GNA11: variants seen among roughly 807,000 people sequenced by gnomAD.
The protein encoded by GNA11 is G protein subunit alpha 11.
A neutral mutation model predicts 38.2 loss-of-function variants in GNA11; 8 were observed. The observed-to-expected ratio is 0.21, with a 90% CI of 0.12 to 0.38. The LOEUF (loss-of-function observed/expected upper bound fraction) is 0.38. GNA11 is among the 10% of genes least tolerant of loss of function. The pLI, the probability that GNA11 is intolerant of heterozygous loss-of-function variation, is 1.00. For synonymous variants in GNA11, 211 were observed against 221.4 expected (o/e 0.95, Z 0.42); for missense variants, 268 against 516.3 (o/e 0.52, Z 4.66).
rs1914017831 is a variant in GNA11, at chr19:3,119,655, T to G, written c.889+296T>G. Among the ~76,000 whole-genome samples, 1 of 135,678 alleles carries G rather than the reference T, an allele frequency of 7.4e-6. No individual in the cohort carries two copies. The highest frequency in any genetic ancestry group is 1.6e-5 in the Non-Finnish European group (1 of 62,086). 89.0% of individuals were successfully genotyped at this position (135,678 alleles called of 152,430 possible). On this transcript the variant is annotated intron_variant, in intron 6 of 6. Transcript: ENST00000078429. The surrounding 1 kb of genome is among the most constrained non-coding windows in gnomAD (Gnocchi z 4.6). ...GGGTCTCGGGCAGGGGGATCTCGGG[T>G]GGGAGGAGTCTTGTACAAGGAGGGC...
chr19:3,115,786 G>A lies in GNA11; in HGVS notation c.605+714G>A, dbSNP rs537967339. ...CATAGGGACCGAGGCTGTGAGGGGAGGGGGGGGGTCACGGGGACCGAGGCT... is the reference window on the plus strand; with the variant it reads ...CATAGGGACCGAGGCTGTGAGGGGAAGGGGGGGGTCACGGGGACCGAGGCT... On this transcript the variant is annotated intron_variant, in intron 4 of 6. Transcript: ENST00000078429. Among the ~76,000 whole-genome samples the A allele has an allele frequency of 1.6e-3, 197 of 122,646 alleles. 14 individuals are homozygous for A. Among genetic ancestry groups the A allele is most frequent in the African/African-American group, 8.2e-3 (188 of 22,996 alleles). 80.5% of individuals were successfully genotyped at this position (122,646 alleles called of 152,430 possible).
chr19:3,119,408 G>A lies in GNA11; in HGVS notation c.889+49G>A, dbSNP rs451778. On this transcript the variant is annotated intron_variant, in intron 6 of 6. Coordinates refer to ENST00000078429, the MANE Select transcript of GNA11 (RefSeq NM_002067.5). This position sits in a 1 kb window ranked among gnomAD's most constrained non-coding sequence, Gnocchi z 4.6. ...AGGGGCTCGCGGGCAGGGCCTTACT[G>A]GGGGGAGGGGGCTGATATGGGAGAG... is the stretch of plus-strand genomic sequence containing the variant. 3.8e-6 allele frequency: 6 copies of A among 1,572,968 alleles called. No individual in the cohort carries two copies. The highest frequency in any genetic ancestry group is 3.4e-5 in the South Asian group (3 of 87,270).
intron 1 of GNA11, among the ~76,000 whole-genome samples, chr19:3,101,095 C>T (rs72975257): frequency 0.15 from 23,486 of 152,094 alleles, 1,904 homozygotes; most frequent in East Asian, 0.18. Flanking sequence ...GGCCCAGGCT[C>T]CGTTTTCTCT....
At position 3,122,925 on chromosome 19, in the gene GNA11, G is replaced by C; in HGVS notation, c.*1746G>C. On this transcript the variant is annotated 3_prime_UTR_variant, in exon 7 of 7. Coordinates refer to ENST00000078429, the MANE Select transcript of GNA11 (RefSeq NM_002067.5). The surrounding 1 kb of genome is among the most constrained non-coding windows in gnomAD (Gnocchi z 7.7). ...CATTTCTGGTGATCAGCCCCATGGG[G>C]AGACGGGGCTGGCGGGATACCCCCC... The C allele has an allele frequency of 4.4e-6, 1 of 229,518 alleles. No homozygotes were observed. The highest frequency in any genetic ancestry group is 8.5e-6 in the Non-Finnish European group (1 of 117,010). 14.2% of individuals were successfully genotyped at this position (229,518 alleles called of 1,614,324 possible). A position where few individuals can be genotyped will look rare whatever the true frequency, so the allele number is the denominator to read the frequency against.
At position 3,110,835 on chromosome 19, in the gene GNA11, G is replaced by A. The variant is rs183614174; in HGVS notation, c.321+502G>A. On this transcript the variant is annotated intron_variant, in intron 2 of 6. Transcript: ENST00000078429. The surrounding 1 kb of genome is among the most constrained non-coding windows in gnomAD (Gnocchi z 5.4). ...TGTTTTGAAAACAGGGTCTCGCTCT[G>A]TCGCCCAGGCTGGAGTGCAGTGGAA... 6.6e-6 allele frequency among the ~76,000 whole-genome samples: 1 copy of A among 152,184 alleles called. No individual in the cohort carries two copies. The highest frequency in any genetic ancestry group is 1.5e-5 in the Non-Finnish European group (1 of 68,030).
At chr19:3,103,523 T>G (rs1913558088) in intron 1 of GNA11, among the ~76,000 whole-genome samples, 4 of 56,780 alleles carry the variant, frequency 7.0e-5, no homozygotes, top group African/African-American at 1.2e-4. Context: ...TTGAATCTTT[T>G]TTTTTTTTTT....
chr19:3,109,208 G>A (rs768300982), intron 1 of GNA11, among the ~76,000 whole-genome samples: 26 of 152,106 alleles, frequency 1.7e-4, no homozygotes, highest in Non-Finnish European at 2.9e-4. Context: ...AAGAAAAGTG[G>A]GGAGACGGAG....
rs2145329507 is a variant in GNA11 at position 3,121,205 on chromosome 19, G to A, written c.*26G>A. 2 of 1,576,356 alleles carry A rather than the reference G, an allele frequency of 1.3e-6. No homozygotes were observed. Among genetic ancestry groups the A allele is most frequent in the Non-Finnish European group, 1.7e-6 (2 of 1,150,614 alleles). On this transcript the variant is annotated 3_prime_UTR_variant, in exon 7 of 7. Coordinates refer to ENST00000078429, the MANE Select transcript of GNA11 (RefSeq NM_002067.5). ...GCGCCCAGGCCCAGGGAGACGGGAT[G>A]GAGACACGGGGCAGGACCTTCCTTC...
intron 3 of GNA11, among the ~76,000 whole-genome samples, chr19:3,114,289 AG>A (rs1913851985): frequency 6.6e-6 from 1 of 152,102 alleles, no homozygotes; most frequent in Non-Finnish European, 1.5e-5. Flanking sequence ...AGACCACTCG[AG>A]GGGCGCCCCA....
chr19:3,100,958 G>A (rs999060909), intron 1 of GNA11, among the ~76,000 whole-genome samples: 4 of 152,212 alleles, frequency 2.6e-5, no homozygotes, highest in African/African-American at 7.2e-5. Context: ...CTGGGCGGTG[G>A]TGCTCCCTGG....
In GNA11 at chr19:3,113,478, C is replaced by T. The variant is rs2145318943; in HGVS notation, c.470C>T (p.Ala157Val). ...CGCGAGTACCAGCTCTCCGACTCTG[C>T]CAAGTAGTAAGTGCGGCCGCACCGC... The part of the protein sequence containing the change: ...RRREYQLSDS[A>V]KYYLTDVDRI... Residue 157 changes from alanine (A) to valine (V), a missense_variant, in exon 3 of 7, where the codon GCC becomes GTC. Ala to Val is a moderately conservative substitution (Grantham distance 64). Coordinates refer to ENST00000078429, the MANE Select transcript of GNA11 (RefSeq NM_002067.5). The T allele has an allele frequency of 3.1e-6, 5 of 1,597,606 alleles. No individual in the cohort carries two copies. Among genetic ancestry groups the T allele is most frequent in the Non-Finnish European group, 4.3e-6 (5 of 1,169,904 alleles).
intron 4 of GNA11, chr19:3,115,323 C>G (rs1011992273): frequency 7.2e-5 from 31 of 429,002 alleles, no homozygotes; most frequent in East Asian, 4.1e-4. Context: ...GAGGATCGCT[C>G]AAGCCCAGGA....
intron 1 of GNA11, among the ~76,000 whole-genome samples, chr19:3,096,742 C>G (rs1227270693): frequency 6.6e-6 from 1 of 152,100 alleles, no homozygotes; most frequent in African/African-American, 2.4e-5. Flanking sequence ...AAGTTGACCC[C>G]TATCAGCCTG....
Position 3,097,730 on chromosome 19 carries a change from C to T in GNA11, c.136+2943C>T, listed in dbSNP as rs555355356. The stretch of plus-strand genomic sequence containing the variant: ...TCCGGCTGCCGTGCCGCCTCTCCCG[C>T]GGCGGCTAAAATGTGCTGTTCACGC... On this transcript the variant is annotated intron_variant, in intron 1 of 6. Transcript: ENST00000078429. Among the ~76,000 whole-genome samples the T allele has an allele frequency of 1.1e-4, 17 of 152,324 alleles. No homozygotes were observed. In the South Asian group the frequency reaches 1.7e-3, roughly 15 times the overall value.
At chr19:3,099,761 C>G (rs950173080) in intron 1 of GNA11, among the ~76,000 whole-genome samples, 1 of 152,232 alleles carries the variant, frequency 6.6e-6, no homozygotes, top group Non-Finnish European at 1.5e-5. Context: ...TCCAGCCTGG[C>G]CTCCCGCAGT....
chr19:3,111,112 C>CT (rs377737452), intron 2 of GNA11, among the ~76,000 whole-genome samples: 5,020 of 148,716 alleles, frequency 0.034, 266 homozygotes, highest in African/African-American at 0.12. Context: ...GGTTTTTTTT[C>CT]TTTTTTTTTT....
Position 3,119,397 on chromosome 19 carries a change from AG to A in GNA11, c.889+41del. 1 of 1,585,428 alleles carries A rather than the reference AG, an allele frequency of 6.3e-7. No individual in the cohort carries two copies. Among genetic ancestry groups the A allele is most frequent in the Non-Finnish European group, 8.6e-7 (1 of 1,160,916 alleles). On this transcript the variant is annotated intron_variant, in intron 6 of 6. Transcript: ENST00000078429. This position sits in a 1 kb window ranked among gnomAD's most constrained non-coding sequence, Gnocchi z 4.6. ...GCGGCATGGGGAGGGGCTCGCGGGC[AG>A]GGCCTTACTGGGGGGAGGGGGCTGA...
chr19:3,094,635 C>G lies in GNA11; in HGVS notation c.-17C>G. Reference sequence around the variant, plus strand: ...GGCGGCGGCGGGCAGGCGGCCGCGTCGGCCGGGGCCGGGACGATGACTCTG... The same window carrying G: ...GGCGGCGGCGGGCAGGCGGCCGCGTGGGCCGGGGCCGGGACGATGACTCTG... On this transcript the variant is annotated 5_prime_UTR_variant, in exon 1 of 7. Transcript: ENST00000078429. The surrounding 1 kb of genome is among the most constrained non-coding windows in gnomAD (Gnocchi z 6.0). The G allele has an allele frequency of 8.0e-7, 1 of 1,242,272 alleles. No homozygotes were observed. The highest frequency in any genetic ancestry group is 1.0e-6 in the Non-Finnish European group (1 of 975,226). The allele number at this position is 1,242,272 out of a possible 1,614,324, so 77.0% of individuals were successfully genotyped here. A position where few individuals can be genotyped will look rare whatever the true frequency, so the allele number is the denominator to read the frequency against.
intron 1 of GNA11, among the ~76,000 whole-genome samples, chr19:3,107,557 TGA>T (rs1433392327): frequency 2.0e-5 from 3 of 152,198 alleles, no homozygotes; most frequent in Admixed American, 6.5e-5. Flanking sequence ...TCAGTGTGTG[TGA>T]GTGTTTGCTG....
Sources: gnomAD v4.1 joint callset for allele counts (sites outside exome capture counted in the v4.1 genomes callset) on GRCh38, gnomAD v4.1.1 for gene constraint, Gnocchi (gnomAD v3.1) non-coding constraint, MANE v1.5 for transcripts, NCBI Gene and HGNC (gene_info 2026-07-23, HGNC 2026-07-21) for gene names.